The following NCAM2 variants were observed in gnomAD, a reference collection of about 807,000 sequenced individuals.
The protein encoded by NCAM2 is N-CAM-2.
NCAM2 carries 30 observed loss-of-function variants against 98.1 expected under a neutral mutation model. The observed-to-expected ratio is 0.31, with a 90% CI of 0.23 to 0.41. The LOEUF is 0.41. NCAM2 is among the 10% of genes least tolerant of loss of function. The probability of loss-of-function intolerance (pLI) is 1.00; values close to 1 mark genes in which losing one functional copy is unlikely to be tolerated. For missense variants in NCAM2, 867 were observed against 1,005.8 expected, an observed-to-expected ratio of 0.86 and a Z score of 1.87; for synonymous variants, 368 against 342.4, an observed-to-expected ratio of 1.07 and a Z score of -0.83.
At chr21:21,407,407 C>G (rs1383108478) in intron 9 of NCAM2, among the ~76,000 whole-genome samples, 2 of 152,162 alleles carry the variant, frequency 1.3e-5, no homozygotes, top group Admixed American at 1.3e-4. Context: ...ACTGATAATT[C>G]TGAGTAAAAT....
At chr21:21,364,446 A>T (rs987711424) in intron 8 of NCAM2, among the ~76,000 whole-genome samples, 8 of 152,046 alleles carry the variant, frequency 5.3e-5, no homozygotes, top group Non-Finnish European at 1.0e-4. Context: ...AAAATAAAAC[A>T]TATATTTGCT....
At chr21:21,019,484 T>C (rs2064384001) in intron 1 of NCAM2, among the ~76,000 whole-genome samples, 2 of 152,192 alleles carry the variant, frequency 1.3e-5, no homozygotes, top group Admixed American at 1.3e-4. Context: ...CTGCAAGTCA[T>C]TCAATGCTTT....
At chr21:21,362,892 A>G (rs1473147404) in intron 8 of NCAM2, among the ~76,000 whole-genome samples, 2 of 152,132 alleles carry the variant, frequency 1.3e-5, no homozygotes, top group Non-Finnish European at 2.9e-5. Context: ...CTGTCATTCA[A>G]CTTACAAAAT....
chr21:21,075,711 G>A (rs567911572), intron 1 of NCAM2, among the ~76,000 whole-genome samples: 3 of 152,116 alleles, frequency 2.0e-5, no homozygotes, highest in Non-Finnish European at 2.9e-5. Context: ...TCATAAATGG[G>A]TATTGAATTT....
intron 1 of NCAM2, among the ~76,000 whole-genome samples, chr21:21,157,625 C>T (rs2067655374): frequency 6.6e-6 from 1 of 151,894 alleles, no homozygotes; most frequent in South Asian, 2.1e-4. Flanking sequence ...ATAAAATCTC[C>T]AGAGTGAGAT....
intron 15 of NCAM2, among the ~76,000 whole-genome samples, chr21:21,491,216 A>G (rs1986819145): frequency 6.6e-6 from 1 of 151,814 alleles, no homozygotes; most frequent in Admixed American, 6.6e-5. Flanking sequence ...CTTCCATTGT[A>G]AACTTGTTCT....
intron 1 of NCAM2, among the ~76,000 whole-genome samples, chr21:21,268,386 A>T (rs546575387): frequency 6.8e-6 from 1 of 147,074 alleles, no homozygotes; most frequent in East Asian, 2.6e-4. Context: ...ACAACATGAC[A>T]CTGCTTCTCT....
chr21:21,459,034 A>G (rs1297277120), intron 12 of NCAM2, among the ~76,000 whole-genome samples: 1 of 152,170 alleles, frequency 6.6e-6, no homozygotes, highest in African/African-American at 2.4e-5. Flanking sequence ...AAACATAAGC[A>G]AAGGATCAGA....
chr21:21,096,791 G>C (rs2142289), intron 1 of NCAM2, among the ~76,000 whole-genome samples: 2 of 151,274 alleles, frequency 1.3e-5, no homozygotes, highest in African/African-American at 4.8e-5. Flanking sequence ...GAATGTTTAC[G>C]TCTTTATTTG....
chr21:21,055,263 A>G (rs527626263), intron 1 of NCAM2, among the ~76,000 whole-genome samples: 1 of 152,170 alleles, frequency 6.6e-6, no homozygotes, highest in South Asian at 2.1e-4. Flanking sequence ...CAAAACACTT[A>G]AAGAATGATT....
intron 12 of NCAM2, among the ~76,000 whole-genome samples, chr21:21,452,884 A>G (rs1981432494): frequency 9.6e-6 from 1 of 103,758 alleles, no homozygotes; most frequent in Non-Finnish European, 1.7e-5. Context: ...GAATTACATT[A>G]TATATTATAT....
At chr21:21,352,897 A>G (rs917869172) in intron 8 of NCAM2, among the ~76,000 whole-genome samples, 7 of 151,490 alleles carry the variant, frequency 4.6e-5, no homozygotes, top group Non-Finnish European at 1.0e-4. Flanking sequence ...TCTGTTGACC[A>G]GGCTGGAGTG....
At chr21:21,437,948 T>C (rs1489121632) in intron 12 of NCAM2, among the ~76,000 whole-genome samples, 3 of 151,928 alleles carry the variant, frequency 2.0e-5, no homozygotes, top group African/African-American at 7.3e-5. Context: ...AGGAAAAGCT[T>C]GTTTGTGCCT....
intron 1 of NCAM2, among the ~76,000 whole-genome samples, chr21:21,233,698 A>G (rs2070715639): frequency 6.6e-6 from 1 of 151,816 alleles, no homozygotes; most frequent in African/African-American, 2.4e-5. Context: ...TACAAATAAC[A>G]TGTAAAACAC....
chr21:21,402,826 G>C (rs1279336732), intron 9 of NCAM2, among the ~76,000 whole-genome samples: 1 of 152,094 alleles, frequency 6.6e-6, no homozygotes, highest in Non-Finnish European at 1.5e-5. Context: ...AAATATTGGG[G>C]GTGGGTTCCC....
intron 1 of NCAM2, among the ~76,000 whole-genome samples, chr21:21,162,721 A>G (rs918318101): frequency 6.6e-6 from 1 of 152,126 alleles, no homozygotes; most frequent in Admixed American, 6.6e-5. Flanking sequence ...GTTCTTGGTG[A>G]TGATTGGCAT....
At chr21:21,295,851 C>G (rs200849605) in intron 5 of NCAM2, among the ~76,000 whole-genome samples, 2 of 151,678 alleles carry the variant, frequency 1.3e-5, no homozygotes, top group Non-Finnish European at 2.9e-5. Context: ...CTCTCTCTCT[C>G]TCTCTGTCTT....
chr21:21,424,602 C>T (rs564405543), intron 11 of NCAM2, among the ~76,000 whole-genome samples: 5 of 152,180 alleles, frequency 3.3e-5, no homozygotes, highest in Non-Finnish European at 5.9e-5. Context: ...TACATAGGCA[C>T]TATGCTCTGA....
chr21:21,176,987 C>A (rs1292809525), intron 1 of NCAM2, among the ~76,000 whole-genome samples: 3 of 151,972 alleles, frequency 2.0e-5, no homozygotes, highest in African/African-American at 4.8e-5. Context: ...AGCCTGTATT[C>A]AATATCAATG....
Sources: gnomAD v4.1 joint callset for allele counts (sites outside exome capture counted in the v4.1 genomes callset) on GRCh38, gnomAD v4.1.1 for gene constraint, MANE v1.5 for transcripts, NCBI Gene and HGNC (gene_info 2026-07-23, HGNC 2026-07-21) for gene names.